Variants in PIK3C2G observed in about 807,000 individuals in gnomAD.
The protein encoded by PIK3C2G is phosphatidylinositol 3-kinase C2 domain-containing subunit gamma.
A neutral mutation model predicts 181.1 loss-of-function variants in PIK3C2G; 168 were observed. That is an observed-to-expected ratio of 0.93 (90% CI 0.82 to 1.05). PIK3C2G has a LOEUF of 1.05. Ranked by LOEUF, PIK3C2G falls within the 50% of genes least tolerant of loss-of-function variation. The pLI, the probability that PIK3C2G is intolerant of heterozygous loss-of-function variation, is 0.00. For missense variants in PIK3C2G, 1,869 were observed against 1,732.8 expected, an observed-to-expected ratio of 1.08 and a Z score of -1.40; for synonymous variants, 573 against 592.2, an observed-to-expected ratio of 0.97 and a Z score of 0.47.
chr12:18,399,298 T>A (rs1300041478), intron 15 of PIK3C2G, among the ~76,000 whole-genome samples: 2 of 151,600 alleles, frequency 1.3e-5, no homozygotes, highest in East Asian at 3.9e-4. Flanking sequence ...ATTACCTCTG[T>A]TCTAAATAGG....
At chr12:18,336,483 A>G (rs1486822765) in intron 8 of PIK3C2G, among the ~76,000 whole-genome samples, 2 of 152,148 alleles carry the variant, frequency 1.3e-5, no homozygotes, top group Non-Finnish European at 2.9e-5. Context: ...ACTAAACTCC[A>G]GTTTGGATAA....
chr12:18,688,318 C>CT, the PIK3C2G span: 18 of 1,218,888 alleles, frequency 1.5e-5, no homozygotes, highest in African/African-American at 2.0e-4. Context: ...TTGATGGACT[C>CT]TAAGTCAGCT....
At chr12:18,520,629 G>A (rs1395092518) in intron 24 of PIK3C2G, among the ~76,000 whole-genome samples, 1 of 151,994 alleles carries the variant, frequency 6.6e-6, no homozygotes, top group Non-Finnish European at 1.5e-5. Flanking sequence ...CTTTTATCAA[G>A]GTTCTTAGCT....
chr12:18,671,272 A>G, the PIK3C2G span, among the ~76,000 whole-genome samples: 3 of 152,288 alleles, frequency 2.0e-5, no homozygotes, highest in East Asian at 3.9e-4. Flanking sequence ...TAGTGTATGT[A>G]AAAACATTTC....
At chr12:18,694,791 A>G in the PIK3C2G span, 1 of 838,230 alleles carries the variant, frequency 1.2e-6, no homozygotes, top group South Asian at 1.9e-5. Context: ...ATAGTACCTG[A>G]AAAGATTAAC....
chr12:18,252,054 A>G (rs1042907264), intron 1 of PIK3C2G, among the ~76,000 whole-genome samples: 1 of 152,204 alleles, frequency 6.6e-6, no homozygotes, highest in African/African-American at 2.4e-5. Context: ...ACTACAGGAC[A>G]TAAATTTTTC....
intron 12 of PIK3C2G, among the ~76,000 whole-genome samples, chr12:18,368,653 T>C (rs894566946): frequency 2.6e-5 from 4 of 152,224 alleles, no homozygotes; most frequent in African/African-American, 9.6e-5. Flanking sequence ...CTTATTCCAC[T>C]GGTATGCCAT....
chr12:18,284,259 G>C (rs1396211518), intron 2 of PIK3C2G, among the ~76,000 whole-genome samples: 2 of 152,070 alleles, frequency 1.3e-5, no homozygotes, highest in African/African-American at 4.8e-5. Flanking sequence ...AGCGCTTCAG[G>C]CATTCAAATG....
chr12:18,559,458 G>C (rs913871416), intron 26 of PIK3C2G, among the ~76,000 whole-genome samples: 14 of 152,010 alleles, frequency 9.2e-5, no homozygotes, highest in African/African-American at 3.4e-4. Flanking sequence ...CTCCAAAAGA[G>C]TCAACAGTTA....
intron 31 of PIK3C2G, among the ~76,000 whole-genome samples, chr12:18,610,176 A>T (rs1237807134): frequency 6.6e-6 from 1 of 152,090 alleles, no homozygotes; most frequent in African/African-American, 2.4e-5. Flanking sequence ...GTGTCACAGG[A>T]TAAGTGACTA....
chr12:18,586,453 T>C (rs943670233), intron 29 of PIK3C2G, among the ~76,000 whole-genome samples: 3 of 152,078 alleles, frequency 2.0e-5, no homozygotes, highest in Non-Finnish European at 4.4e-5. Flanking sequence ...AGCACCTCTA[T>C]GCGCACAAAC....
intron 29 of PIK3C2G, among the ~76,000 whole-genome samples, chr12:18,580,846 C>T (rs538439233): frequency 6.6e-6 from 1 of 152,236 alleles, no homozygotes; most frequent in Non-Finnish European, 1.5e-5. Context: ...AGCACTTCAT[C>T]GTGTTTGAGA....
At chr12:18,473,432 T>C (rs747347139) in intron 18 of PIK3C2G, among the ~76,000 whole-genome samples, 2 of 152,194 alleles carry the variant, frequency 1.3e-5, no homozygotes, top group Non-Finnish European at 2.9e-5. Flanking sequence ...GACCAGTCTG[T>C]AGACCTTTTT....
the PIK3C2G span, chr12:18,723,439 T>C: frequency 5.0e-6 from 8 of 1,612,906 alleles, no homozygotes; most frequent in Non-Finnish European, 6.8e-6. Context: ...GTTTTCAGAA[T>C]ATGTGTTGAA....
rs1416231435 is a variant in PIK3C2G at position 18,475,031 on chromosome 12, G to T, written c.2505-13418G>T. Among the ~76,000 whole-genome samples the T allele has an allele frequency of 2.6e-5, 4 of 152,202 alleles. No homozygotes were observed. In the East Asian group the frequency reaches 7.7e-4, roughly 29 times the overall value. ...AAAACTTTTCTTAAAGGATAATTAT[G>T]ATGGGAGAATCTCATAAGAACACAA... On this transcript the variant is annotated intron_variant, in intron 18 of 32. Coordinates refer to ENST00000538779, the MANE Select transcript of PIK3C2G (RefSeq NM_001288772.2).
chr12:18,557,356 G>T (rs1945066124), intron 26 of PIK3C2G, among the ~76,000 whole-genome samples: 1 of 151,858 alleles, frequency 6.6e-6, no homozygotes, highest in African/African-American at 2.4e-5. Context: ...AGTAAAATAA[G>T]TGGTTACAAA....
chr12:18,527,738 C>T (rs900581518), intron 24 of PIK3C2G, among the ~76,000 whole-genome samples: 4 of 151,810 alleles, frequency 2.6e-5, no homozygotes, highest in African/African-American at 7.3e-5. Flanking sequence ...TTATGAAATT[C>T]TGATCTACTA....
intron 6 of PIK3C2G, among the ~76,000 whole-genome samples, chr12:18,315,911 G>A (rs4529930): frequency 0.26 from 38,839 of 151,668 alleles, 5,170 homozygotes; most frequent in South Asian, 0.39. Context: ...GTGTGTGTGT[G>A]TGTGTGTGTG....
chr12:18,494,846 C>A (rs1295117237), intron 20 of PIK3C2G, among the ~76,000 whole-genome samples: 3 of 152,052 alleles, frequency 2.0e-5, no homozygotes, highest in Non-Finnish European at 4.4e-5. Context: ...ATTTTTGTTT[C>A]TAGATAAAAC....
Sources: allele counts gnomAD v4.1 joint callset (sites outside exome capture counted in the v4.1 genomes callset), GRCh38; gene constraint gnomAD v4.1.1; transcripts MANE v1.5; gene names NCBI Gene and HGNC (gene_info 2026-07-23, HGNC 2026-07-21).